THSD4: variants seen among roughly 807,000 people sequenced by gnomAD.
THSD4 encodes thrombospondin type-1 domain-containing protein 4.
Under a neutral mutation model 119.0 loss-of-function variants are expected in THSD4, and 69 were observed. That is an observed-to-expected ratio of 0.58 (90% confidence interval 0.48 to 0.71). The LOEUF is 0.71. Ranked by LOEUF, THSD4 falls within the 30% of genes least tolerant of loss-of-function variation. The probability of loss-of-function intolerance (pLI) is 0.00; values close to 1 mark genes in which losing one functional copy is unlikely to be tolerated. For missense variants in THSD4, 1,393 were observed against 1,391.1 expected (o/e 1.00, Z -0.02); for synonymous variants, 524 against 540.4 (o/e 0.97, Z 0.42).
At chr15:71,163,571 A>T (rs879296056) in intron 3 of THSD4, among the ~76,000 whole-genome samples, 1 of 152,152 alleles carries the variant, frequency 6.6e-6, no homozygotes, top group African/African-American at 2.4e-5. Context: ...TGAATAATTC[A>T]TACTGAGATG....
At position 71,706,115 on chromosome 15, in the gene THSD4, T is replaced by C. The variant is rs28489648; in HGVS notation, c.1358-22434T>C. On this transcript the variant is annotated intron_variant, in intron 8 of 17. Transcript: ENST00000261862. ...AATGGCAGATTTTGAAATGGAGCTT[T>C]TTTCTATTCAGCACTCTCCTCACCT... Among the ~76,000 whole-genome samples, 894 of 152,250 alleles carry C rather than the reference T, an allele frequency of 5.9e-3. 5 individuals are homozygous for C. Among genetic ancestry groups the C allele is most frequent in the African/African-American group, 0.021 (852 of 41,530 alleles).
intron 7 of THSD4, among the ~76,000 whole-genome samples, chr15:71,545,085 T>C (rs1252479210): frequency 6.6e-6 from 1 of 152,192 alleles, no homozygotes; most frequent in Non-Finnish European, 1.5e-5. Context: ...AAATGAATAG[T>C]GGTGATGGCT....
chr15:71,142,958 A>G (rs1012553263), intron 2 of THSD4, among the ~76,000 whole-genome samples: 32 of 152,348 alleles, frequency 2.1e-4, no homozygotes, highest in African/African-American at 6.7e-4. Context: ...AGCATTTGCC[A>G]AGCAGATGCC....
intron 7 of THSD4, among the ~76,000 whole-genome samples, chr15:71,452,440 C>T (rs1026644333): frequency 5.3e-5 from 8 of 151,242 alleles, no homozygotes; most frequent in Admixed American, 3.3e-4. Flanking sequence ...ACTTTAGTCC[C>T]TCCGTGCCAG....
intron 7 of THSD4, among the ~76,000 whole-genome samples, chr15:71,573,173 T>C (rs1250389699): frequency 6.6e-6 from 1 of 152,146 alleles, no homozygotes; most frequent in East Asian, 1.9e-4. Flanking sequence ...CCGAGCCTCC[T>C]AGGTACAGGA....
chr15:71,278,324 T>A (rs12102193), intron 6 of THSD4, among the ~76,000 whole-genome samples: 1,964 of 152,272 alleles, frequency 0.013, 44 homozygotes, highest in African/African-American at 0.044. Flanking sequence ...GCCTCCCAAG[T>A]AGCTGGGAAT....
At chr15:71,134,384 C>T (rs1176111828) in intron 1 of THSD4, among the ~76,000 whole-genome samples, 1 of 152,244 alleles carries the variant, frequency 6.6e-6, no homozygotes, top group Non-Finnish European at 1.5e-5. Flanking sequence ...TCCACAGAGG[C>T]AGCGTGCATC....
chr15:71,366,721 A>G (rs556380974), intron 6 of THSD4, among the ~76,000 whole-genome samples: 21 of 152,112 alleles, frequency 1.4e-4, no homozygotes, highest in Non-Finnish European at 2.5e-4. Flanking sequence ...ACACTCCCAC[A>G]TTATTTGCTC....
chr15:71,250,417 A>T (rs963703940), intron 5 of THSD4, among the ~76,000 whole-genome samples: 1 of 151,788 alleles, frequency 6.6e-6, no homozygotes, highest in African/African-American at 2.4e-5. Context: ...AGCTCACTAC[A>T]ACCTCAAACT....
intron 6 of THSD4, among the ~76,000 whole-genome samples, chr15:71,400,952 A>G (rs1223296055): frequency 1.3e-5 from 2 of 152,190 alleles, no homozygotes; most frequent in Admixed American, 6.6e-5. Flanking sequence ...TTCTCCAGGA[A>G]CAGCTTCACA....
chr15:71,250,323 A>T (rs1255920287), intron 5 of THSD4, among the ~76,000 whole-genome samples: 4 of 152,166 alleles, frequency 2.6e-5, no homozygotes, highest in Non-Finnish European at 5.9e-5. Context: ...TTGGGAGATT[A>T]AGGTGGTTTG....
intron 4 of THSD4, among the ~76,000 whole-genome samples, chr15:71,238,801 C>T (rs1205226053): frequency 6.6e-6 from 1 of 152,158 alleles, no homozygotes; most frequent in African/African-American, 2.4e-5. Flanking sequence ...TTCTCTTGGG[C>T]ATATACCTAG....
At chr15:71,339,430 G>A (rs1056048273) in intron 6 of THSD4, among the ~76,000 whole-genome samples, 1 of 152,002 alleles carries the variant, frequency 6.6e-6, no homozygotes, top group Non-Finnish European at 1.5e-5. Context: ...TTGCACAAAT[G>A]TCCCATGAAG....
rs1010882999 is a variant in THSD4, at chr15:71,390,849, CTTTTTTTT to C, written c.1016-20820_1016-20813del. On this transcript the variant is annotated intron_variant, in intron 6 of 17. Transcript: ENST00000261862. ...TTTAGGTAATTATGATTGGCTAAAT[CTTTTTTTT>C]TTTTTTTTTTTTTTTTTGTACAGAG... Among the ~76,000 whole-genome samples, 51 of 90,868 alleles carry C rather than the reference CTTTTTTTT, an allele frequency of 5.6e-4. 1 individual carries two copies. The highest frequency in any genetic ancestry group is 4.3e-3 in the South Asian group (10 of 2,328). 59.6% of individuals were successfully genotyped at this position (90,868 alleles called of 152,430 possible).
chr15:71,112,054 C>G, upstream of THSD4: 1 of 1,577,888 alleles, frequency 6.3e-7, no homozygotes, highest in Non-Finnish European at 8.6e-7. Context: ...TCTGTTCACA[C>G]GTTGCTCTTA....
intron 3 of THSD4, among the ~76,000 whole-genome samples, chr15:71,198,409 C>A (rs565323523): frequency 6.6e-6 from 1 of 152,238 alleles, no homozygotes; most frequent in Non-Finnish European, 1.5e-5. Context: ...CTCTTCCTGG[C>A]AGGCAGCTCT....
chr15:71,302,418 C>T (rs1395975347), intron 6 of THSD4, among the ~76,000 whole-genome samples: 1 of 152,174 alleles, frequency 6.6e-6, no homozygotes, highest in Non-Finnish European at 1.5e-5. Context: ...AGGGACACAG[C>T]AGAGCAGCAG....
At chr15:71,758,426 AAAGT>A (rs2053580494) in intron 15 of THSD4, among the ~76,000 whole-genome samples, 1 of 152,236 alleles carries the variant, frequency 6.6e-6, no homozygotes, top group African/African-American at 2.4e-5. Context: ...TTGTGTACAT[AAAGT>A]ATGTAGCACA....
intron 10 of THSD4, among the ~76,000 whole-genome samples, chr15:71,736,229 CTCTT>C (rs1282371777): frequency 6.6e-6 from 1 of 150,890 alleles, no homozygotes; most frequent in Non-Finnish European, 1.5e-5. Context: ...CTCTGTCTCT[CTCTT>C]GCTCTCTCTC....
Sources: gnomAD v4.1 joint callset for allele counts (sites outside exome capture counted in the v4.1 genomes callset) on GRCh38, gnomAD v4.1.1 for gene constraint, MANE v1.5 for transcripts, NCBI Gene and HGNC (gene_info 2026-07-23, HGNC 2026-07-21) for gene names.